Variants in TAFA1 observed in about 807,000 individuals in gnomAD.
The protein encoded by TAFA1 is chemokine-like protein TAFA-1.
TAFA1 carries 4 observed loss-of-function variants against 18.5 expected under a neutral mutation model. The ratio of observed to expected loss-of-function variants is 0.22; its 90% CI spans 0.11 to 0.49. The LOEUF (loss-of-function observed/expected upper bound fraction) is 0.49. Among genes scored for constraint, TAFA1 ranks in the 20% least tolerant of loss-of-function variants. TAFA1 has a pLI of 0.98. For missense variants in TAFA1, 147 were observed against 169.0 expected (o/e 0.87, Z 0.72); for synonymous variants, 56 against 55.2 (o/e 1.01, Z -0.06).
intron 2 of TAFA1, among the ~76,000 whole-genome samples, chr3:68,362,940 C>T (rs1350090324): frequency 4.9e-5 from 6 of 121,660 alleles, no homozygotes; most frequent in South Asian, 2.7e-4. Context: ...AGATTTCTTC[C>T]TTTTTTTTTT....
At chr3:68,396,160 C>T (rs1448939670) in intron 2 of TAFA1, among the ~76,000 whole-genome samples, 1 of 151,910 alleles carries the variant, frequency 6.6e-6, no homozygotes, top group East Asian at 1.9e-4. Context: ...AGTAAAAACC[C>T]TGTTGAGATG....
chr3:68,338,707 T>C (rs1463291162), intron 2 of TAFA1, among the ~76,000 whole-genome samples: 1 of 152,222 alleles, frequency 6.6e-6, no homozygotes, highest in Middle Eastern at 3.2e-3. Context: ...ACATAAACTA[T>C]CATGAAGAAA....
chr3:68,515,457 A>G (rs1355525), intron 3 of TAFA1, among the ~76,000 whole-genome samples: 121,663 of 152,014 alleles, frequency 0.8, 48,769 homozygotes, highest in East Asian at 0.89. Flanking sequence ...TGTTTCCAGG[A>G]AGTATGGTTA....
At position 68,362,703 on chromosome 3, in the gene TAFA1, G is replaced by A. The variant is rs145080178; in HGVS notation, c.119-54577G>A. Among the ~76,000 whole-genome samples, 58 of 152,178 alleles carry A rather than the reference G, an allele frequency of 3.8e-4. No homozygotes were observed. In the East Asian group the frequency reaches 0.011, roughly 28 times the overall value. On this transcript the variant is annotated intron_variant, in intron 2 of 4. Transcript: ENST00000478136. Reference sequence around the variant, plus strand: ...TAAGGAGTTTCTAAGAAGGGGCTACGTAACAGCAAGCTGTCTGAGGGTTTT... The same window carrying A: ...TAAGGAGTTTCTAAGAAGGGGCTACATAACAGCAAGCTGTCTGAGGGTTTT...
At chr3:68,345,217 G>C (rs934333082) in intron 2 of TAFA1, among the ~76,000 whole-genome samples, 9 of 152,086 alleles carry the variant, frequency 5.9e-5, no homozygotes, top group Admixed American at 3.3e-4. Context: ...AATTCCCACA[G>C]ATTGGTCACC....
chr3:68,373,291 A>C (rs1325257601), intron 2 of TAFA1, among the ~76,000 whole-genome samples: 1 of 152,220 alleles, frequency 6.6e-6, no homozygotes, highest in Non-Finnish European at 1.5e-5. Flanking sequence ...TTAATTCTAT[A>C]AGGGAAGAAG....
rs533874303 is a variant in TAFA1, at chr3:68,090,752, G to C, written c.118+84008G>C. On this transcript the variant is annotated intron_variant, in intron 2 of 4. Coordinates refer to ENST00000478136, the MANE Select transcript of TAFA1 (RefSeq NM_213609.4). ...GGCTGGATGCCTTTTACTTGGGTGA[G>C]AGAATCAATTAATCTGCCCAGCTGA... Among the ~76,000 whole-genome samples, 28 of 152,288 alleles carry C rather than the reference G, an allele frequency of 1.8e-4. No homozygotes were observed. In the East Asian group the frequency reaches 5.0e-3, roughly 27 times the overall value.
intron 3 of TAFA1, among the ~76,000 whole-genome samples, chr3:68,495,997 GCAAAAAAAAAAAAA>G (rs749747477): frequency 6.3e-4 from 25 of 39,624 alleles, no homozygotes; most frequent in Middle Eastern, 0.015. Context: ...TTTCCCTGAA[GCAAAAAAAAAAAAA>G]AAAAAAAAAA....
chr3:68,017,278 C>T (rs2106789212), intron 2 of TAFA1, among the ~76,000 whole-genome samples: 1 of 152,274 alleles, frequency 6.6e-6, no homozygotes, highest in South Asian at 2.1e-4. Context: ...TGGACAGGTG[C>T]TTGAGAATCT....
At chr3:68,442,449 T>C (rs540272170) in intron 3 of TAFA1, among the ~76,000 whole-genome samples, 2 of 152,290 alleles carry the variant, frequency 1.3e-5, no homozygotes, top group South Asian at 4.1e-4. Context: ...AGAGCACTCA[T>C]GTGACTCAGT....
intron 2 of TAFA1, among the ~76,000 whole-genome samples, chr3:68,191,005 G>A (rs1273214007): frequency 6.6e-6 from 1 of 151,724 alleles, no homozygotes; most frequent in East Asian, 1.9e-4. Flanking sequence ...AAAACCTTAA[G>A]ACTCATCTGC....
At chr3:68,022,554 T>G (rs371493595) in intron 2 of TAFA1, among the ~76,000 whole-genome samples, 20 of 151,880 alleles carry the variant, frequency 1.3e-4, no homozygotes, top group African/African-American at 4.6e-4. Context: ...CCTGAAGAAG[T>G]AGGAATGGGT....
intron 2 of TAFA1, among the ~76,000 whole-genome samples, chr3:68,022,831 AT>A (rs1293440577): frequency 2.4e-5 from 1 of 41,270 alleles, no homozygotes; most frequent in African/African-American, 9.8e-5. Flanking sequence ...ATTATATATA[AT>A]ATATATATAT....
chr3:68,184,924 A>G (rs1187745393), intron 2 of TAFA1, among the ~76,000 whole-genome samples: 1 of 152,168 alleles, frequency 6.6e-6, no homozygotes, highest in Non-Finnish European at 1.5e-5. Context: ...ATGTTTTTCT[A>G]CATCCTTCAC....
intron 2 of TAFA1, among the ~76,000 whole-genome samples, chr3:68,367,233 T>C (rs1288338650): frequency 6.6e-6 from 1 of 152,238 alleles, no homozygotes; most frequent in African/African-American, 2.4e-5. Context: ...AAGTGTAACG[T>C]AATCTACGTC....
chr3:68,137,373 T>C (rs2065621363), intron 2 of TAFA1, among the ~76,000 whole-genome samples: 1 of 152,160 alleles, frequency 6.6e-6, no homozygotes, highest in African/African-American at 2.4e-5. Flanking sequence ...AAATAATTTA[T>C]CCCATTGGAT....
At chr3:68,381,666 T>G (rs1332109649) in intron 2 of TAFA1, among the ~76,000 whole-genome samples, 1 of 152,182 alleles carries the variant, frequency 6.6e-6, no homozygotes, top group Non-Finnish European at 1.5e-5. Flanking sequence ...TAAGGAGATT[T>G]TGGGCTGAGA....
chr3:68,452,134 A>C (rs905640952), intron 3 of TAFA1, among the ~76,000 whole-genome samples: 2 of 152,244 alleles, frequency 1.3e-5, no homozygotes, highest in East Asian at 3.9e-4. Context: ...GGAAAGAAGG[A>C]GGGCCTGAGA....
At chr3:68,397,928 G>C (rs1338795246) in intron 2 of TAFA1, among the ~76,000 whole-genome samples, 3 of 152,032 alleles carry the variant, frequency 2.0e-5, no homozygotes, top group African/African-American at 7.2e-5. Context: ...TGGTGTTTTA[G>C]TCATTAAATA....
Sources: allele counts gnomAD v4.1 joint callset (sites outside exome capture counted in the v4.1 genomes callset), GRCh38; gene constraint gnomAD v4.1.1; transcripts MANE v1.5; gene names NCBI Gene and HGNC (gene_info 2026-07-23, HGNC 2026-07-21).